The following RIPOR2 variants were observed in gnomAD, a reference collection of about 807,000 sequenced individuals.
RIPOR2 encodes RHO family interacting cell polarization regulator 2.
RIPOR2 carries 39 observed loss-of-function variants against 114.5 expected under a neutral mutation model. The observed-to-expected ratio is 0.34, with a 90% CI of 0.26 to 0.44. The LOEUF (loss-of-function observed/expected upper bound fraction) is 0.44, where lower values mean the gene tolerates loss of function less well. RIPOR2 is among the 20% of genes least tolerant of loss of function. The pLI is 1.00. For synonymous variants in RIPOR2, 445 were observed against 484.4 expected, an observed-to-expected ratio of 0.92 and a Z score of 1.07; for missense variants, 1,007 against 1,255.1, an observed-to-expected ratio of 0.80 and a Z score of 2.99.
intron 1 of RIPOR2, among the ~76,000 whole-genome samples, chr6:24,924,629 A>G (rs1485960240): frequency 6.6e-6 from 1 of 152,192 alleles, no homozygotes; most frequent in African/African-American, 2.4e-5. Flanking sequence ...ATAATGACAG[A>G]TATTCTCTTT....
Position 24,881,370 on chromosome 6 carries a change from G to A in RIPOR2, c.62-5553C>T, listed in dbSNP as rs143584218. 8.4e-3 allele frequency among the ~76,000 whole-genome samples: 1,278 copies of A among 152,242 alleles called. 19 individuals carry two copies. Among genetic ancestry groups the A allele is most frequent in the African/African-American group, 0.027 (1,135 of 41,532 alleles). On this transcript the variant is annotated intron_variant, in intron 1 of 21. Transcript: ENST00000643898. Reference sequence around the variant, plus strand: ...CTAGGCAAACAGTGTGGCTGCTATGGTTTGCTCTTCACTTGACTTTGTTGC... The same window carrying A: ...CTAGGCAAACAGTGTGGCTGCTATGATTTGCTCTTCACTTGACTTTGTTGC...
At chr6:24,809,934 A>C in intron 20 of RIPOR2, 127 bp from the exon 21 acceptor site, 1 of 660,754 alleles carries the variant, frequency 1.5e-6, no homozygotes, top group South Asian at 1.8e-5. Flanking sequence ...GCAATGGAGC[A>C]ATCATAGCTC....
Position 24,858,152 on chromosome 6 carries a change from C to T in RIPOR2, c.715+2821G>A, listed in dbSNP as rs1311975850. ...TGGGTCACACTGTTGTTCAGGTGGT[C>T]ATTTGTTCCATTGAATGAGAATGCA... On this transcript the variant is annotated intron_variant, in intron 8 of 21. Coordinates refer to ENST00000643898, the MANE Select transcript of RIPOR2 (RefSeq NM_001286445.3). The surrounding 1 kb of genome is among the most constrained non-coding windows in gnomAD (Gnocchi z 4.0). Among the ~76,000 whole-genome samples the T allele has an allele frequency of 6.6e-6, 1 of 152,200 alleles. No homozygotes were observed. The highest frequency in any genetic ancestry group is 1.5e-5 in the Non-Finnish European group (1 of 68,032).
chr6:24,922,635 G>T (rs1770578230), intron 1 of RIPOR2, among the ~76,000 whole-genome samples: 1 of 151,924 alleles, frequency 6.6e-6, no homozygotes, highest in Admixed American at 6.6e-5. Context: ...CGAGGCAGAT[G>T]GATCATTTGA....
At chr6:24,822,748 G>T (rs1759810017) in intron 19 of RIPOR2, among the ~76,000 whole-genome samples, 1 of 152,162 alleles carries the variant, frequency 6.6e-6, no homozygotes, top group Admixed American at 6.5e-5. Flanking sequence ...TCGAAGTCCT[G>T]GCCTCAGGTG....
chr6:25,023,455 T>G, intron 1 of RIPOR2: 1 of 766,990 alleles, frequency 1.3e-6, no homozygotes, highest in South Asian at 1.3e-5. Flanking sequence ...GCGCTTTCCC[T>G]CCCACTTGCC....
At chr6:24,845,827 AG>A (rs1012176143) in intron 12 of RIPOR2, among the ~76,000 whole-genome samples, 7 of 152,138 alleles carry the variant, frequency 4.6e-5, no homozygotes, top group African/African-American at 1.4e-4. Flanking sequence ...ATGGTGAAGT[AG>A]GGGGCAGGCA....
At chr6:24,967,309 T>C (rs750315414) in intron 1 of RIPOR2, among the ~76,000 whole-genome samples, 2 of 152,204 alleles carry the variant, frequency 1.3e-5, no homozygotes, top group Non-Finnish European at 2.9e-5. Flanking sequence ...AACTGGTGAA[T>C]AAGAAGAAGC....
rs1010423215 is a variant in RIPOR2, at chr6:24,883,832, C to G, written c.62-8015G>C. Among the ~76,000 whole-genome samples, 1 of 152,118 alleles carries G rather than the reference C, an allele frequency of 6.6e-6. No homozygotes were observed. Among genetic ancestry groups the G allele is most frequent in the Non-Finnish European group, 1.5e-5 (1 of 68,030 alleles). ...ACTTTCTGAGTCATTTCTTCATGCC[C>G]GATTTGGGTTCTTCCTTTCTTTTTC... On this transcript the variant is annotated intron_variant, in intron 1 of 21. Coordinates refer to ENST00000643898, the MANE Select transcript of RIPOR2 (RefSeq NM_001286445.3). The surrounding 1 kb of genome is among the most constrained non-coding windows in gnomAD (Gnocchi z 4.1).
At chr6:24,991,998 T>C (rs9379703) in intron 1 of RIPOR2, among the ~76,000 whole-genome samples, 33,321 of 152,114 alleles carry the variant, frequency 0.22, 4,557 homozygotes, top group East Asian at 0.53. Context: ...TCCACTGTGA[T>C]ATTTTAAAAG....
intron 7 of RIPOR2, among the ~76,000 whole-genome samples, chr6:24,863,948 T>C (rs1581639535): frequency 6.6e-6 from 1 of 152,356 alleles, no homozygotes; most frequent in East Asian, 1.9e-4. Context: ...TTGAAATAAC[T>C]GTATTTCAAT....
chr6:24,872,608 A>C (rs1268024946), intron 4 of RIPOR2, among the ~76,000 whole-genome samples: 28 of 152,208 alleles, frequency 1.8e-4, no homozygotes, highest in Admixed American at 1.8e-3. Context: ...GGACATTAAA[A>C]ATTTTTTTCC....
chr6:24,807,849 C>G (rs1264538236), intron 21 of RIPOR2, among the ~76,000 whole-genome samples: 12 of 152,152 alleles, frequency 7.9e-5, no homozygotes, highest in Admixed American at 6.6e-4. Flanking sequence ...TGTCATAGGG[C>G]ATTTTATCAA....
Position 24,825,369 on chromosome 6 carries a change from C to A in RIPOR2, c.2725G>T (p.Asp909Tyr). The A allele has an allele frequency of 6.4e-7, 1 of 1,552,068 alleles. No homozygotes were observed. The highest frequency in any genetic ancestry group is 8.7e-7 in the Non-Finnish European group (1 of 1,147,076). The change falls in exon 19 of 22, where the codon GAC (aspartate) becomes TAC (tyrosine). Residue 909 changes from aspartate (D) to tyrosine (Y), a missense_variant. Physicochemically the swap from Asp to Tyr is radical, Grantham distance 160. Transcript: ENST00000643898. ...GCCAGGAGGTTGCTGGGAGCAAGGT[C>A]ACTCATGGTTTGTAGCAGTTTTTCA... ...RDEKLLQTMS[D>Y]LAPSNLLAQQ...
intron 1 of RIPOR2, among the ~76,000 whole-genome samples, chr6:24,980,259 GA>G (rs1774231473): frequency 6.6e-6 from 1 of 152,132 alleles, no homozygotes; most frequent in South Asian, 2.1e-4. Context: ...TCCAGATTCA[GA>G]AATTACAAAG....
chr6:24,806,567 G>T lies in RIPOR2; in HGVS notation c.3044-94C>A. 3.7e-6 allele frequency: 3 copies of T among 801,518 alleles called. No individual in the cohort carries two copies. In the South Asian group the frequency reaches 5.6e-5, roughly 15 times the overall value. The allele number at this position is 801,518 out of a possible 1,614,324, so 49.7% of individuals were successfully genotyped here. ...AGTGCCATTTGTTTAGGGATGGGTT[G>T]CTATAATATGCTATGCTAACTTTTG... On this transcript the variant is annotated intron_variant, in intron 21 of 21. Transcript: ENST00000643898.
chr6:25,013,777 G>A (rs967252499), intron 1 of RIPOR2, among the ~76,000 whole-genome samples: 1 of 152,252 alleles, frequency 6.6e-6, no homozygotes, highest in Non-Finnish European at 1.5e-5. Context: ...TGTTGAAATG[G>A]TGCTTGGAGT....
At chr6:24,919,645 C>T (rs1022932560) in intron 1 of RIPOR2, among the ~76,000 whole-genome samples, 13 of 152,180 alleles carry the variant, frequency 8.5e-5, no homozygotes, top group African/African-American at 3.1e-4. Flanking sequence ...CACCTGCTCT[C>T]GTTTGTTCTC....
intron 1 of RIPOR2, chr6:25,023,783 T>C (rs1238924376): frequency 3.8e-6 from 3 of 788,730 alleles, no homozygotes; most frequent in East Asian, 2.5e-5. Flanking sequence ...ATCGTTGACG[T>C]TGGTCACCTT....
Sources: allele counts gnomAD v4.1 joint callset (sites outside exome capture counted in the v4.1 genomes callset), GRCh38; gene constraint gnomAD v4.1.1; non-coding constraint Gnocchi (gnomAD v3.1); transcripts MANE v1.5; gene names NCBI Gene and HGNC (gene_info 2026-07-23, HGNC 2026-07-21).